HYLS1: variants seen among roughly 807,000 people sequenced by gnomAD.
HYLS1 encodes centriolar and ciliogenesis-associated protein HYLS1.
In HYLS1, 25 loss-of-function variants were observed where a neutral mutation model predicts 29.4. The observed-to-expected ratio is 0.85, with a 90% CI of 0.62 to 1.19. The LOEUF (loss-of-function observed/expected upper bound fraction) is 1.19, where lower values mean the gene tolerates loss of function less well. Ranked by LOEUF, HYLS1 falls within the 50% of genes most tolerant of loss-of-function variation. The pLI is 0.00. For synonymous variants in HYLS1, 128 were observed against 126.7 expected (o/e 1.01, Z -0.07); for missense variants, 352 against 365.1 (o/e 0.96, Z 0.29).
At chr11:125,889,803 A>C (rs1277938176) in intron 1 of HYLS1, among the ~76,000 whole-genome samples, 5 of 152,214 alleles carry the variant, frequency 3.3e-5, no homozygotes, top group Non-Finnish European at 7.4e-5. Context: ...CCCAACACAC[A>C]GGGCATAATA....
At chr11:125,892,808 G>A (rs1024696812) in intron 2 of HYLS1, among the ~76,000 whole-genome samples, 6 of 152,082 alleles carry the variant, frequency 3.9e-5, no homozygotes, top group Admixed American at 2.6e-4. Flanking sequence ...CAATTCTATC[G>A]GGCATGTAAA....
chr11:125,899,660 G>C lies in HYLS1; in HGVS notation c.292G>C (p.Val98Leu), dbSNP rs74423263. ...CCGAAAGCCAGTGATGAAGAGAAAG[G>C]TGCTGCGCAGAAAGCCAGATGGGGA... ...RLRKPVMKRK[V>L]LRRKPDGEVL... Residue 98 changes from valine (V) to leucine (L), a missense_variant, in exon 3 of 3, where the codon GTG becomes CTG. Coordinates refer to ENST00000425380, the MANE Select transcript of HYLS1 (RefSeq NM_001134793.2). The C allele has an allele frequency of 6.2e-7, 1 of 1,614,210 alleles. No individual in the cohort carries two copies. Among genetic ancestry groups the C allele is most frequent in the South Asian group, 1.1e-5 (1 of 91,086 alleles).
chr11:125,886,634 G>A (rs893538094), upstream of HYLS1, among the ~76,000 whole-genome samples: 1 of 136,604 alleles, frequency 7.3e-6, no homozygotes, highest in Non-Finnish European at 1.5e-5. Context: ...TTAAAACATC[G>A]GGTTTAAAAA....
rs766284626 is a variant in HYLS1, at chr11:125,899,645, G to C, written c.277G>C (p.Val93Leu). The C allele has an allele frequency of 6.2e-7, 1 of 1,614,220 alleles. No individual in the cohort carries two copies. The highest frequency in any genetic ancestry group is 2.2e-5 in the East Asian group (1 of 44,888). ...GGCCTCCCAAAGACTCCGAAAGCCA[G>C]TGATGAAGAGAAAGGTGCTGCGCAG... ...SEASQRLRKP[V>L]MKRKVLRRKP... The change falls in exon 3 of 3, where the codon GTG becomes CTG. Residue 93 changes from valine (V) to leucine (L), a missense_variant. Transcript: ENST00000425380.
At chr11:125,894,307 A>G (rs1944509042) in intron 2 of HYLS1, 2 of 1,564,434 alleles carry the variant, frequency 1.3e-6, no homozygotes, top group African/African-American at 2.7e-5. Context: ...AGAGAAAAGA[A>G]AGTTTGAGAA....
At chr11:125,893,932 C>T (rs1356289131) in intron 2 of HYLS1, 1 of 1,614,096 alleles carries the variant, frequency 6.2e-7, no homozygotes, top group Non-Finnish European at 8.5e-7. Context: ...CAATTCGTCC[C>T]CTACGTACAA....
chr11:125,894,069 A>G, intron 2 of HYLS1: 2 of 1,614,156 alleles, frequency 1.2e-6, no homozygotes, highest in African/African-American at 1.3e-5. Flanking sequence ...ACATTTCCCC[A>G]TTCTGTCATT....
intron 2 of HYLS1, among the ~76,000 whole-genome samples, chr11:125,896,531 CTGTT>C (rs1219238617): frequency 1.3e-5 from 2 of 152,160 alleles, no homozygotes; most frequent in African/African-American, 4.8e-5. Flanking sequence ...AGGGAAAGAA[CTGTT>C]TGTTATTCAG....
intron 2 of HYLS1, chr11:125,895,968 C>T: frequency 1.2e-6 from 2 of 1,614,190 alleles, no homozygotes; most frequent in South Asian, 2.2e-5. Context: ...GGATGTCTGT[C>T]TGCTTTCTAC....
intron 2 of HYLS1, among the ~76,000 whole-genome samples, chr11:125,892,976 T>G (rs186318763): frequency 6.6e-6 from 1 of 152,346 alleles, no homozygotes; most frequent in Admixed American, 6.5e-5. Flanking sequence ...TCTAACCCTT[T>G]ATACAAACTG....
At chr11:125,884,574 A>C (rs905500374), upstream of HYLS1, among the ~76,000 whole-genome samples, 4 of 152,250 alleles carry the variant, frequency 2.6e-5, no homozygotes, top group African/African-American at 9.6e-5. Context: ...GCGCCACTGC[A>C]GTCCGGCCTG....
intron 2 of HYLS1, 66 bp from the exon 3 acceptor site, chr11:125,899,278 A>C: frequency 2.6e-6 from 3 of 1,158,320 alleles, no homozygotes; most frequent in Non-Finnish European, 3.8e-6. Flanking sequence ...AACGGAGATA[A>C]GGGAATGAGC....
chr11:125,893,676 TA>T, intron 2 of HYLS1: 2 of 779,992 alleles, frequency 2.6e-6, no homozygotes, highest in South Asian at 3.2e-5. Context: ...TTTTTTCTTT[TA>T]AGAGCTGATC....
intron 2 of HYLS1, chr11:125,895,760 A>G (rs747282085): frequency 1.0e-5 from 16 of 1,606,230 alleles, no homozygotes; most frequent in Non-Finnish European, 1.4e-5. Flanking sequence ...TGCCCCTTGG[A>G]AACTGAGAGC....
chr11:125,890,326 TC>T (rs1944388356), intron 1 of HYLS1, among the ~76,000 whole-genome samples: 1 of 152,256 alleles, frequency 6.6e-6, no homozygotes, highest in Admixed American at 6.5e-5. Context: ...TTAATAGCTT[TC>T]TAAGAGGAAT....
upstream of HYLS1, among the ~76,000 whole-genome samples, chr11:125,885,725 G>C (rs1189781601): frequency 6.6e-6 from 1 of 152,252 alleles, no homozygotes; most frequent in African/African-American, 2.4e-5. Flanking sequence ...GCAAGGCAGG[G>C]GGTAAGCCGT....
upstream of HYLS1, among the ~76,000 whole-genome samples, chr11:125,884,732 G>C (rs1382067633): frequency 6.6e-6 from 1 of 152,196 alleles, no homozygotes; most frequent in Non-Finnish European, 1.5e-5. Flanking sequence ...AATAATACAA[G>C]ACAAGGTATG....
chr11:125,888,566 C>T (rs1434752368), intron 1 of HYLS1, among the ~76,000 whole-genome samples: 1 of 151,762 alleles, frequency 6.6e-6, no homozygotes, highest in Admixed American at 6.6e-5. Flanking sequence ...GTCAGGAGTT[C>T]GAGACCAGCC....
At chr11:125,895,102 A>AG in intron 2 of HYLS1, 1 of 633,094 alleles carries the variant, frequency 1.6e-6, no homozygotes, top group Non-Finnish European at 2.6e-6. Context: ...GCTGGAATGC[A>AG]GTGGTCCAAT....
Sources: gnomAD v4.1 joint callset for allele counts (sites outside exome capture counted in the v4.1 genomes callset) on GRCh38, gnomAD v4.1.1 for gene constraint, MANE v1.5 for transcripts, NCBI Gene and HGNC (gene_info 2026-07-23, HGNC 2026-07-21) for gene names.